VPS13B: variants seen among roughly 807,000 people sequenced by gnomAD.
The protein encoded by VPS13B is vacuolar protein sorting 13 homolog B, also known as intermembrane lipid transfer protein VPS13B.
A neutral mutation model predicts 426.4 loss-of-function variants in VPS13B; 285 were observed. The observed-to-expected ratio is 0.67, with a 90% CI of 0.61 to 0.74. The LOEUF (loss-of-function observed/expected upper bound fraction) is 0.74, where lower values mean the gene tolerates loss of function less well. Among genes scored for constraint, VPS13B ranks in the 30% least tolerant of loss-of-function variants. VPS13B has a pLI of 0.00. For synonymous variants in VPS13B, 1,676 were observed against 1,676.4 expected (o/e 1.00, Z 0.01); for missense variants, 4,537 against 4,782.6 (o/e 0.95, Z 1.51).
At chr8:99,763,636 G>A (rs577199130) in intron 39 of VPS13B, among the ~76,000 whole-genome samples, 29 of 152,286 alleles carry the variant, frequency 1.9e-4, no homozygotes, top group African/African-American at 6.5e-4. Flanking sequence ...GGATTGATGT[G>A]AAGGATTTAG....
intron 19 of VPS13B, among the ~76,000 whole-genome samples, chr8:99,287,757 A>G (rs1246080710): frequency 1.3e-5 from 2 of 152,062 alleles, no homozygotes; most frequent in Non-Finnish European, 2.9e-5. Context: ...ATCGACATTA[A>G]AACACTAAGG....
rs1823964006 is a variant in VPS13B at position 99,546,178 on chromosome 8, C to A, written c.4746-10272C>A. Reference sequence around the variant, plus strand: ...AATATTTGTGAGTCGGAAGTAACTCCATACATTAAAAACCATGTTAAATAA... The same window carrying A: ...AATATTTGTGAGTCGGAAGTAACTCAATACATTAAAAACCATGTTAAATAA... On this transcript the variant is annotated intron_variant, in intron 30 of 61. Transcript: ENST00000357162. Among the ~76,000 whole-genome samples the A allele has an allele frequency of 2.6e-5, 4 of 151,940 alleles. No homozygotes were observed. In the South Asian group the frequency reaches 8.3e-4, roughly 32 times the overall value.
chr8:99,199,045 T>G (rs1228065822), intron 17 of VPS13B, among the ~76,000 whole-genome samples: 2 of 152,208 alleles, frequency 1.3e-5, no homozygotes, highest in African/African-American at 4.8e-5. Context: ...ATATGTTTTG[T>G]GTAAGTATGT....
chr8:99,202,495 G>T (rs896212255), intron 17 of VPS13B, among the ~76,000 whole-genome samples: 2 of 152,108 alleles, frequency 1.3e-5, no homozygotes, highest in Non-Finnish European at 1.5e-5. Context: ...AACTAAGCCA[G>T]AAAGAAGTCA....
chr8:99,338,640 G>A (rs1196380395), intron 19 of VPS13B, among the ~76,000 whole-genome samples: 1 of 152,072 alleles, frequency 6.6e-6, no homozygotes, highest in East Asian at 1.9e-4. Context: ...TATAGTTAAT[G>A]AAAACAATGT....
intron 3 of VPS13B, 124 bp from the exon 4 acceptor site, chr8:99,096,188 A>G: frequency 8.5e-7 from 1 of 1,171,266 alleles, no homozygotes; most frequent in Non-Finnish European, 1.2e-6. Flanking sequence ...TTAGAGCTAA[A>G]AAATAAAATT....
chr8:99,205,966 ATAAAT>A (rs1350263182), intron 17 of VPS13B, among the ~76,000 whole-genome samples: 6 of 152,346 alleles, frequency 3.9e-5, no homozygotes, highest in African/African-American at 1.4e-4. Context: ...AATTAAAATA[ATAAAT>A]TATAAAGGAT....
chr8:99,429,470 A>G (rs181084722), intron 21 of VPS13B: 5 of 152,062 alleles, frequency 3.3e-5, no homozygotes, highest in Admixed American at 2.6e-4. Flanking sequence ...TCGTTTATCT[A>G]TTTGCCACCT....
chr8:99,838,713 G>T (rs1177546003), intron 54 of VPS13B, among the ~76,000 whole-genome samples: 1 of 152,230 alleles, frequency 6.6e-6, no homozygotes, highest in East Asian at 1.9e-4. Flanking sequence ...ACTACAAAGA[G>T]CTATGCAGGA....
chr8:99,697,184 G>C (rs1171597657), intron 35 of VPS13B: 1 of 551,314 alleles, frequency 1.8e-6, no homozygotes. Context: ...AGGTGAAAGT[G>C]GCTGAGGTGG....
chr8:99,760,544 C>CT (rs199719509), intron 39 of VPS13B, among the ~76,000 whole-genome samples: 12 of 148,144 alleles, frequency 8.1e-5, no homozygotes, highest in East Asian at 3.9e-4. Context: ...ACACCAATGA[C>CT]TTTTTTTTTT....
chr8:99,354,946 A>C (rs961870349), intron 19 of VPS13B, among the ~76,000 whole-genome samples: 16 of 152,184 alleles, frequency 1.1e-4, no homozygotes, highest in Non-Finnish European at 1.6e-4. Context: ...TGATATAAAA[A>C]ACAGACAAAC....
intron 54 of VPS13B, among the ~76,000 whole-genome samples, chr8:99,844,945 A>G (rs1033297173): frequency 1.3e-5 from 2 of 152,226 alleles, no homozygotes; most frequent in African/African-American, 4.8e-5. Context: ...ACAGCAGCCA[A>G]CATAACACCA....
chr8:99,574,544 A>G (rs931483489), intron 31 of VPS13B, among the ~76,000 whole-genome samples: 2 of 152,312 alleles, frequency 1.3e-5, no homozygotes, highest in East Asian at 3.9e-4. Flanking sequence ...CCTTTTCTGC[A>G]TCTATTGAGA....
chr8:99,868,414 T>C lies in VPS13B; in HGVS notation c.11341T>C (p.Phe3781Leu). The change falls in exon 59 of 62, where the codon TTC (phenylalanine) becomes CTC (leucine). Residue 3781 changes from phenylalanine to leucine, a missense_variant. By Grantham distance (22) the Phe-to-Leu change is conservative. Transcript: ENST00000357162. The part of the protein sequence containing the change: ...SGVGKGIMGV[F>L]TKPIGGAAEL... ...TGTGGGGAAAGGAATCATGGGGGTG[T>C]TCACAAAGCCCATCGGAGGAGCTGC... 6.2e-7 allele frequency: 1 copy of C among 1,614,106 alleles called. No individual in the cohort carries two copies. The highest frequency in any genetic ancestry group is 8.5e-7 in the Non-Finnish European group (1 of 1,180,020).
intron 43 of VPS13B, chr8:99,799,301 C>T (rs879321492): frequency 2.0e-5 from 3 of 152,100 alleles, no homozygotes; most frequent in Non-Finnish European, 2.9e-5. Context: ...TGAAATAATC[C>T]ATACTTCTGG....
intron 8 of VPS13B, chr8:99,121,795 G>A (rs572227271): frequency 1.2e-4 from 25 of 202,214 alleles, no homozygotes; most frequent in Non-Finnish European, 2.0e-4. Flanking sequence ...TGTCAGGTAC[G>A]GTTTCCTTTC....
intron 33 of VPS13B, among the ~76,000 whole-genome samples, chr8:99,634,551 A>G (rs549837367): frequency 2.6e-4 from 40 of 152,166 alleles, no homozygotes; most frequent in African/African-American, 9.1e-4. Context: ...TCTTTTGCAT[A>G]ATTACTGCAG....
chr8:99,590,807 A>C (rs541791894), intron 33 of VPS13B, among the ~76,000 whole-genome samples: 62 of 152,284 alleles, frequency 4.1e-4, no homozygotes, highest in African/African-American at 1.4e-3. Flanking sequence ...AATAATGTAT[A>C]TTCGGTTGAT....
Sources: gnomAD v4.1 joint callset for allele counts (sites outside exome capture counted in the v4.1 genomes callset) on GRCh38, gnomAD v4.1.1 for gene constraint, MANE v1.5 for transcripts, NCBI Gene and HGNC (gene_info 2026-07-23, HGNC 2026-07-21) for gene names.